The following PDE4DIP variants were observed in gnomAD, a reference collection of about 807,000 sequenced individuals.
The protein encoded by PDE4DIP is myomegalin.
Under a neutral mutation model 221.4 loss-of-function variants are expected in PDE4DIP, and 59 were observed. The observed-to-expected ratio is 0.27, with a 90% confidence interval of 0.22 to 0.33. The LOEUF is 0.33. PDE4DIP is among the 10% of genes least tolerant of loss of function. PDE4DIP has a pLI of 1.00. For synonymous variants in PDE4DIP, 404 were observed against 815.9 expected (o/e 0.50, Z 8.60); for missense variants, 1,036 against 2,154.2 (o/e 0.48, Z 10.28).
chr1:148,949,272 A>G (rs1180658843), intron 5 of PDE4DIP, among the ~76,000 whole-genome samples: 1 of 150,924 alleles, frequency 6.6e-6, no homozygotes, highest in Non-Finnish European at 1.5e-5. Context: ...ATAAATGTCC[A>G]TAATTCCACT....
intron 1 of PDE4DIP, among the ~76,000 whole-genome samples, chr1:148,927,350 A>G (rs1229294845): frequency 2.0e-5 from 3 of 152,054 alleles, no homozygotes; most frequent in African/African-American, 7.2e-5. Flanking sequence ...TGTCACTAAA[A>G]ACATACTAGT....
exon 44 of PDE4DIP, chr1:149,032,006 T>A: frequency 1.2e-6 from 2 of 1,610,750 alleles, no homozygotes; most frequent in Non-Finnish European, 1.7e-6. Context: ...CCAGGAACCA[T>A]GCAAGAAGCG....
chr1:149,013,828 C>T (rs758651986), intron 32 of PDE4DIP, among the ~76,000 whole-genome samples: 16 of 123,006 alleles, frequency 1.3e-4, no homozygotes, highest in African/African-American at 2.6e-4. Flanking sequence ...TACTTTGTCA[C>T]GCAGACTGAA....
intron 21 of PDE4DIP, among the ~76,000 whole-genome samples, chr1:148,986,936 G>C (rs1374107005): frequency 6.6e-6 from 1 of 152,130 alleles, no homozygotes; most frequent in Non-Finnish European, 1.5e-5. Context: ...CATATCTCCT[G>C]GTCTGCCTGG....
chr1:148,917,237 G>A lies in PDE4DIP; in HGVS notation c.142-11960G>A, dbSNP rs587622884. On this transcript the variant is annotated intron_variant, in intron 1 of 43. Coordinates refer to ENST00000369354, the Ensembl canonical transcript of PDE4DIP. ...TCTATTCTAACAGAGTGACTATAGG[G>A]AATGAATAGCTCATGACACACTGAG... 1.2e-4 allele frequency among the ~76,000 whole-genome samples: 19 copies of A among 152,012 alleles called. No individual in the cohort carries two copies. In the South Asian group the frequency reaches 3.1e-3, roughly 25 times the overall value.
chr1:148,987,594 T>A (rs587761220), intron 21 of PDE4DIP, among the ~76,000 whole-genome samples: 1 of 152,316 alleles, frequency 6.6e-6, no homozygotes, highest in South Asian at 2.1e-4. Context: ...TTTTAGTTCT[T>A]CAGATCACCT....
At chr1:148,862,718 C>G (rs1365014492) in intron 1 of PDE4DIP, among the ~76,000 whole-genome samples, 2 of 10,932 alleles carry the variant, frequency 1.8e-4, no homozygotes, top group Non-Finnish European at 4.3e-4. Context: ...TTTCCCGTAG[C>G]TTTTCACATT....
chr1:148,915,271 C>T (rs1218143421), intron 1 of PDE4DIP, among the ~76,000 whole-genome samples: 3 of 152,208 alleles, frequency 2.0e-5, no homozygotes, highest in African/African-American at 4.8e-5. Flanking sequence ...CCTCAGCCTC[C>T]CAAGTAGCTG....
intron 35 of PDE4DIP, among the ~76,000 whole-genome samples, chr1:149,019,915 C>G (rs2072100222): frequency 6.6e-6 from 1 of 151,970 alleles, no homozygotes; most frequent in Non-Finnish European, 1.5e-5. Flanking sequence ...CAGAATTTCT[C>G]TAAGAGCAAG....
At chr1:148,824,360 CT>C (rs1670124592) in intron 1 of PDE4DIP, among the ~76,000 whole-genome samples, 1 of 150,204 alleles carries the variant, frequency 6.7e-6, no homozygotes, top group Non-Finnish European at 1.5e-5. Context: ...CACAACTGAT[CT>C]AAAAGAAAGA....
intron 1 of PDE4DIP, among the ~76,000 whole-genome samples, chr1:148,919,050 T>G (rs2044791759): frequency 9.3e-6 from 1 of 107,468 alleles, no homozygotes; most frequent in Non-Finnish European, 1.8e-5. Context: ...TTGTCACATG[T>G]TGGGGCGACT....
chr1:149,012,761 A>C, exon 32 of PDE4DIP: 1 of 1,607,500 alleles, frequency 6.2e-7, no homozygotes, highest in East Asian at 2.2e-5. Flanking sequence ...GATGCTGCAG[A>C]AGCAGTTGGG....
At chr1:148,976,084 A>G (rs1553537365) in intron 17 of PDE4DIP, among the ~76,000 whole-genome samples, 1 of 151,552 alleles carries the variant, frequency 6.6e-6, no homozygotes, top group African/African-American at 2.4e-5. Context: ...CTGATTATTC[A>G]TGTCAGATAT....
chr1:148,960,231 A>G (rs2056569918), intron 5 of PDE4DIP, among the ~76,000 whole-genome samples: 1 of 152,272 alleles, frequency 6.6e-6, no homozygotes, highest in Non-Finnish European at 1.5e-5. Flanking sequence ...AGCATGTTGT[A>G]AGAAAGGTAG....
chr1:148,949,618 A>G (rs1373666438), intron 5 of PDE4DIP, among the ~76,000 whole-genome samples: 3 of 152,242 alleles, frequency 2.0e-5, no homozygotes, highest in Admixed American at 1.3e-4. Context: ...CTTGACCACA[A>G]GATAATAATG....
chr1:148,967,957 A>G, intron 13 of PDE4DIP, 52 bp downstream of exon 16: 2 of 864,490 alleles, frequency 2.3e-6, no homozygotes, highest in South Asian at 3.2e-5. Flanking sequence ...ATGTAATCTC[A>G]GCCTTGGATT....
chr1:148,963,806 T>TGG (rs2057548744), intron 9 of PDE4DIP, among the ~76,000 whole-genome samples: 1 of 117,302 alleles, frequency 8.5e-6, no homozygotes, highest in Non-Finnish European at 1.7e-5. Context: ...CAGGCTGGAG[T>TGG]ACAGTGGCGC....
chr1:148,978,562 A>T, intron 19 of PDE4DIP, 147 bp downstream of exon 22: 1 of 552,660 alleles, frequency 1.8e-6, no homozygotes, highest in Non-Finnish European at 3.2e-6. Context: ...TCGGCCCCTC[A>T]AAGTGCTGGA....
intron 5 of PDE4DIP, among the ~76,000 whole-genome samples, chr1:148,948,262 A>T (rs1553485040): frequency 6.6e-6 from 1 of 152,172 alleles, no homozygotes; most frequent in Admixed American, 6.5e-5. Context: ...ACTACGTTTT[A>T]GAAGTAATAA....
Sources: allele counts gnomAD v4.1 joint callset (sites outside exome capture counted in the v4.1 genomes callset), GRCh38; gene constraint gnomAD v4.1.1; transcripts MANE v1.5; gene names NCBI Gene and HGNC (gene_info 2026-07-23, HGNC 2026-07-21).